The following SLCO3A1 variants were observed in gnomAD, a reference collection of about 807,000 sequenced individuals.
The protein encoded by SLCO3A1 is solute carrier organic anion transporter family member 3A1.
In SLCO3A1, 27 loss-of-function variants were observed where a neutral mutation model predicts 63.1. The ratio of observed to expected loss-of-function variants is 0.43; its 90% confidence interval spans 0.32 to 0.59. The LOEUF is 0.59. SLCO3A1 is among the 20% of genes least tolerant of loss of function. The probability of loss-of-function intolerance (pLI) is 0.09; values close to 1 mark genes in which losing one functional copy is unlikely to be tolerated. For missense variants in SLCO3A1, 773 were observed against 945.8 expected (o/e 0.82, Z 2.40); for synonymous variants, 473 against 409.9 (o/e 1.15, Z -1.86).
intron 2 of SLCO3A1, among the ~76,000 whole-genome samples, chr15:92,066,761 A>C (rs2047157328): frequency 2.0e-5 from 3 of 152,184 alleles, no homozygotes; most frequent in African/African-American, 7.2e-5. Context: ...TGCCCTGTCA[A>C]GGTTGGCCGT....
intron 1 of SLCO3A1, 47 bp from the exon 2 acceptor site, chr15:91,915,946 G>A: frequency 6.7e-7 from 1 of 1,500,948 alleles, no homozygotes; most frequent in African/African-American, 1.4e-5. Flanking sequence ...GAGGCTTCCT[G>A]GGCATCTTCT....
intron 2 of SLCO3A1, among the ~76,000 whole-genome samples, chr15:91,974,818 A>G (rs1901035746): frequency 6.6e-6 from 1 of 152,156 alleles, no homozygotes; most frequent in African/African-American, 2.4e-5. Context: ...AGGTGTGATG[A>G]AGCCAGTGTC....
At chr15:91,913,731 T>A (rs553107757) in intron 1 of SLCO3A1, among the ~76,000 whole-genome samples, 23 of 152,210 alleles carry the variant, frequency 1.5e-4, no homozygotes, top group Non-Finnish European at 2.8e-4. Context: ...TACAACAGTG[T>A]CCATATTTGT....
chr15:92,110,390 C>T (rs1567125575), intron 4 of SLCO3A1, among the ~76,000 whole-genome samples: 1 of 152,162 alleles, frequency 6.6e-6, no homozygotes, highest in South Asian at 2.1e-4. Flanking sequence ...AAGTTACTGC[C>T]TCTTGCTTTA....
intron 2 of SLCO3A1, among the ~76,000 whole-genome samples, chr15:91,928,825 G>A (rs2151388863): frequency 6.6e-6 from 1 of 152,342 alleles, no homozygotes; most frequent in South Asian, 2.1e-4. Context: ...TAAAGTGAGA[G>A]AAGCTCACTC....
chr15:92,077,246 C>T (rs759974380), intron 2 of SLCO3A1, among the ~76,000 whole-genome samples: 4 of 152,094 alleles, frequency 2.6e-5, no homozygotes, highest in Non-Finnish European at 2.9e-5. Flanking sequence ...GGGGACACAG[C>T]GAAACCATAT....
chr15:92,030,494 T>A (rs138245643), intron 2 of SLCO3A1, among the ~76,000 whole-genome samples: 2 of 152,162 alleles, frequency 1.3e-5, no homozygotes, highest in African/African-American at 4.8e-5. Context: ...CTAAGACAGA[T>A]TAAAAACCTG....
rs1334518290 is a variant in SLCO3A1 at position 92,137,344 on chromosome 15, G to A, written c.1512+8855G>A. 2.0e-5 allele frequency among the ~76,000 whole-genome samples: 2 copies of A among 98,434 alleles called. 1 individual carries two copies. The highest frequency in any genetic ancestry group is 3.8e-5 in the Non-Finnish European group (2 of 53,204). The allele number at this position is 98,434 out of a possible 152,430, so 64.6% of individuals were successfully genotyped here. On this transcript the variant is annotated intron_variant, in intron 7 of 9. Transcript: ENST00000318445. ...CTGCATAGTATTCCATGGTGTATATGTGCCACATTTTCTTAATCCAGTCTA... is the reference window on the plus strand; with the variant it reads ...CTGCATAGTATTCCATGGTGTATATATGCCACATTTTCTTAATCCAGTCTA...
chr15:91,946,372 T>C (rs532647476), intron 2 of SLCO3A1, among the ~76,000 whole-genome samples: 3 of 152,306 alleles, frequency 2.0e-5, no homozygotes, highest in Non-Finnish European at 2.9e-5. Flanking sequence ...CTTCCATTGA[T>C]TCCCAGATAC....
chr15:92,006,358 T>C (rs2046312948), intron 2 of SLCO3A1, among the ~76,000 whole-genome samples: 1 of 152,222 alleles, frequency 6.6e-6, no homozygotes, highest in African/African-American at 2.4e-5. Context: ...GAGCGCCAGA[T>C]TGACCTTTGT....
rs146101785 is a variant in SLCO3A1 at position 92,020,857 on chromosome 15, C to T, written c.647-74024C>T. Among the ~76,000 whole-genome samples, 21 of 152,266 alleles carry T rather than the reference C, an allele frequency of 1.4e-4. No homozygotes were observed. The South Asian group carries it at 2.1e-3, about 15-fold the overall frequency. ...TCCAAAAACAGATATTCTTCCAAGC[C>T]GACTTAGAAATATTTTTAATCATTA... On this transcript the variant is annotated intron_variant, in intron 2 of 9. Coordinates refer to ENST00000318445, the MANE Select transcript of SLCO3A1 (RefSeq NM_013272.4).
rs892501151 is a variant in SLCO3A1 at position 92,165,850 on chromosome 15, A to G, written c.*2715A>G. On this transcript the variant is annotated 3_prime_UTR_variant, in exon 10 of 10. Transcript: ENST00000318445. ...AATGAAAAGATTTCCTGGTAAGATC[A>G]TTGGATTTACAGAATACAAAAATGT... 2 of 985,234 alleles carry G rather than the reference A, an allele frequency of 2.0e-6. No homozygotes were observed. Among genetic ancestry groups the G allele is most frequent in the Admixed American group, 1.2e-4 (2 of 16,256 alleles). 61.0% of individuals were successfully genotyped at this position (985,234 alleles called of 1,614,324 possible). A position where few individuals can be genotyped will look rare whatever the true frequency, so the allele number is the denominator to read the frequency against.
At chr15:91,935,111 G>A (rs905717500) in intron 2 of SLCO3A1, among the ~76,000 whole-genome samples, 4 of 152,052 alleles carry the variant, frequency 2.6e-5, no homozygotes, top group African/African-American at 9.7e-5. Flanking sequence ...GTGCCACCAC[G>A]CCTGGCTAAT....
In SLCO3A1 at chr15:92,053,699, T is replaced by TTG. The variant is rs1567092471; in HGVS notation, c.647-41181_647-41180insGT. 9.3e-5 allele frequency among the ~76,000 whole-genome samples: 14 copies of TTG among 150,270 alleles called. No individual in the cohort carries two copies. In the East Asian group the frequency reaches 1.4e-3, roughly 15 times the overall value. ...TTGTTTTTTTGTTTGTTTGTTTGTTTTTTTTTTTTTTACTTCTCATGGTTA... is the reference window on the plus strand; with the variant it reads ...TTGTTTTTTTGTTTGTTTGTTTGTTTTGTTTTTTTTTTTACTTCTCATGGTTA... On this transcript the variant is annotated intron_variant, in intron 2 of 9. Coordinates refer to ENST00000318445, the MANE Select transcript of SLCO3A1 (RefSeq NM_013272.4).
chr15:92,081,404 G>A (rs1211996367), intron 2 of SLCO3A1, among the ~76,000 whole-genome samples: 5 of 151,738 alleles, frequency 3.3e-5, no homozygotes, highest in East Asian at 3.9e-4. Flanking sequence ...AGGCTGGAGC[G>A]CAGTGTTGTG....
chr15:91,880,158 CATCCATCCATCCATCT>C (rs1243959589), intron 1 of SLCO3A1, among the ~76,000 whole-genome samples: 2 of 130,790 alleles, frequency 1.5e-5, no homozygotes, highest in African/African-American at 6.7e-5. Context: ...TCCATCCATC[CATCCATCCATCCATCT>C]ATCTATCTAT....
intron 7 of SLCO3A1, among the ~76,000 whole-genome samples, chr15:92,146,771 CAG>C (rs1385307028): frequency 2.0e-5 from 3 of 152,118 alleles, no homozygotes; most frequent in Non-Finnish European, 2.9e-5. Flanking sequence ...ACACAAGAGA[CAG>C]AGAAATCAGC....
Position 91,900,795 on chromosome 15 carries a change from A to G in SLCO3A1, c.181-15198A>G, listed in dbSNP as rs1280115348. Among the ~76,000 whole-genome samples, 2 of 152,206 alleles carry G rather than the reference A, an allele frequency of 1.3e-5. No homozygotes were observed. Among genetic ancestry groups the G allele is most frequent in the African/African-American group, 4.8e-5 (2 of 41,444 alleles). On this transcript the variant is annotated intron_variant, in intron 1 of 9. Coordinates refer to ENST00000318445, the MANE Select transcript of SLCO3A1 (RefSeq NM_013272.4). The surrounding 1 kb of genome is among the most constrained non-coding windows in gnomAD (Gnocchi z 4.3). ...AAATATCTCCTCAAATTACTTGCCT[A>G]TTTTAAATTGAGTTGTTTGTCATTT...
chr15:91,963,856 CG>C (rs983925525), intron 2 of SLCO3A1, among the ~76,000 whole-genome samples: 1 of 152,074 alleles, frequency 6.6e-6, no homozygotes, highest in Non-Finnish European at 1.5e-5. Context: ...AAAGCTTCCA[CG>C]GCGTGGAAGG....
Sources: allele counts gnomAD v4.1 joint callset (sites outside exome capture counted in the v4.1 genomes callset), GRCh38; gene constraint gnomAD v4.1.1; non-coding constraint Gnocchi (gnomAD v3.1); transcripts MANE v1.5; gene names NCBI Gene and HGNC (gene_info 2026-07-23, HGNC 2026-07-21).